The following KHDRBS3 variants were observed in gnomAD, a reference collection of about 807,000 sequenced individuals.
KHDRBS3 encodes the protein KH domain-containing, RNA-binding, signal transduction-associated protein 3.
A neutral mutation model predicts 45.6 loss-of-function variants in KHDRBS3; 23 were observed. That is an observed-to-expected ratio of 0.50 (90% CI 0.36 to 0.72). The LOEUF (loss-of-function observed/expected upper bound fraction) is 0.72. KHDRBS3 is among the 30% of genes least tolerant of loss of function. The pLI, the probability that KHDRBS3 is intolerant of heterozygous loss-of-function variation, is 0.00. For synonymous variants in KHDRBS3, 162 were observed against 156.5 expected, an observed-to-expected ratio of 1.04 and a Z score of -0.26; for missense variants, 352 against 424.8, an observed-to-expected ratio of 0.83 and a Z score of 1.51.
intron 1 of KHDRBS3, among the ~76,000 whole-genome samples, chr8:135,493,082 AT>A (rs1351862984): frequency 4.3e-4 from 63 of 145,184 alleles, no homozygotes; most frequent in Admixed American, 4.1e-4. Context: ...TGTTACTGGA[AT>A]TTTTTTTTTT....
chr8:135,655,485 C>T (rs1264092065), intron 4 of KHDRBS3, among the ~76,000 whole-genome samples: 2 of 152,106 alleles, frequency 1.3e-5, no homozygotes, highest in East Asian at 1.9e-4. Flanking sequence ...CATGAAATGG[C>T]GTCATGTGTT....
intron 1 of KHDRBS3, among the ~76,000 whole-genome samples, chr8:135,485,842 T>TTTTATATATA (rs908619744): frequency 1.2e-4 from 15 of 120,346 alleles, no homozygotes; most frequent in African/African-American, 5.6e-4. Context: ...CATTTCAAGT[T>TTTTATATATA]TATATATATA....
intron 7 of KHDRBS3, among the ~76,000 whole-genome samples, chr8:135,626,464 T>C (rs1275021273): frequency 1.3e-5 from 2 of 152,186 alleles, no homozygotes; most frequent in Non-Finnish European, 2.9e-5. Context: ...TGGCCATTGC[T>C]GAAGCTTCCT....
intron 7 of KHDRBS3, among the ~76,000 whole-genome samples, chr8:135,615,048 C>T (rs141869248): frequency 6.6e-6 from 1 of 151,892 alleles, no homozygotes. Context: ...CCAGAATGGT[C>T]AGACATCCCC....
chr8:135,463,394 A>G (rs185588705), intron 1 of KHDRBS3, among the ~76,000 whole-genome samples: 2 of 152,306 alleles, frequency 1.3e-5, no homozygotes, highest in African/African-American at 4.8e-5. Context: ...GCCCATATCA[A>G]TGAAAGAAGG....
chr8:135,533,803 T>C (rs1383664763), intron 2 of KHDRBS3, among the ~76,000 whole-genome samples: 1 of 152,204 alleles, frequency 6.6e-6, no homozygotes, highest in Non-Finnish European at 1.5e-5. Context: ...CCTAAGCTAC[T>C]GAACATCAAA....
At position 135,634,968 on chromosome 8, in the gene KHDRBS3, C is replaced by T. The variant is rs1231837445; in HGVS notation, c.891-10091C>T. The stretch of plus-strand genomic sequence containing the variant: ...ATGGTTCTGAAAGTTTTTGATCTCA[C>T]AATCCCTGTATACTTCATACTCTTA... On this transcript the variant is annotated intron_variant, in intron 7 of 8. Coordinates refer to ENST00000355849, the MANE Select transcript of KHDRBS3 (RefSeq NM_006558.3). Among the ~76,000 whole-genome samples, 3 of 152,218 alleles carry T rather than the reference C, an allele frequency of 2.0e-5. No individual in the cohort carries two copies. The East Asian group carries it at 5.8e-4, about 29-fold the overall frequency.
chr8:135,605,629 A>G (rs908077208), intron 6 of KHDRBS3, among the ~76,000 whole-genome samples: 1 of 152,188 alleles, frequency 6.6e-6, no homozygotes, highest in East Asian at 1.9e-4. Flanking sequence ...ATCAAGTTTC[A>G]TAATCAGCCC....
At chr8:135,640,447 T>C (rs143045563) in intron 7 of KHDRBS3, among the ~76,000 whole-genome samples, 11 of 152,198 alleles carry the variant, frequency 7.2e-5, no homozygotes, top group African/African-American at 2.4e-4. Flanking sequence ...TTGACCTCTG[T>C]AGATGTAGGG....
At position 135,582,041 on chromosome 8, in the gene KHDRBS3, C is replaced by T; in HGVS notation, c.775C>T (p.Pro259Ser). 6.3e-7 allele frequency: 1 copy of T among 1,587,822 alleles called. No homozygotes were observed. The highest frequency in any genetic ancestry group is 1.1e-5 in the South Asian group (1 of 87,302). The change falls in exon 6 of 9, where the codon CCA becomes TCA. Residue 259 changes from proline to serine, a missense_variant. Transcript: ENST00000355849. ...VPPTGYRPPP[P>S]PPTQETYGEY... ...CCCAACTGGGTACAGACCTCCACCG[C>T]CACCCCCGACACAAGAGACTTATGG...
chr8:135,485,130 A>G (rs900350895), intron 1 of KHDRBS3, among the ~76,000 whole-genome samples: 1 of 152,188 alleles, frequency 6.6e-6, no homozygotes, highest in Non-Finnish European at 1.5e-5. Flanking sequence ...CTCCTTTGCC[A>G]TCTGACACAT....
Position 135,525,740 on chromosome 8 carries a change from C to T in KHDRBS3, c.207+4385C>T, listed in dbSNP as rs144697558. 8.5e-5 allele frequency among the ~76,000 whole-genome samples: 13 copies of T among 152,246 alleles called. No individual in the cohort carries two copies. The East Asian group carries it at 2.5e-3, about 29-fold the overall frequency. ...TGGTGGAAACCTTTGTATATTGATT[C>T]TTTGTGCTCAATATGCTCTGTATAC... On this transcript the variant is annotated intron_variant, in intron 2 of 8. Transcript: ENST00000355849.
In KHDRBS3 at chr8:135,548,762, G is replaced by A. The variant is rs1329867738; in HGVS notation, c.333G>A (p.Glu111=). The change falls in exon 4 of 9, where the codon GAG becomes GAA. Residue 111 remains glutamate (E), a synonymous_variant. Transcript: ENST00000355849. Reference sequence around the variant, plus strand: ...TTTTTTCCTTTTTCCAGGAAGAAGAGTTGAGGAAAAGTGGAGAAGCGAAGT... The same window carrying A: ...TTTTTTCCTTTTTCCAGGAAGAAGAATTGAGGAAAAGTGGAGAAGCGAAGT... The part of the protein sequence containing the change: ...GSMRDKAKEE[E]LRKSGEAKYF... 1 of 1,538,974 alleles carries A rather than the reference G, an allele frequency of 6.5e-7. No individual in the cohort carries two copies. The highest frequency in any genetic ancestry group is 8.7e-7 in the Non-Finnish European group (1 of 1,144,498).
chr8:135,559,395 C>G (rs938742512), intron 5 of KHDRBS3, among the ~76,000 whole-genome samples: 1 of 152,132 alleles, frequency 6.6e-6, no homozygotes, highest in East Asian at 1.9e-4. Flanking sequence ...CCCTGTCACC[C>G]GGGCTGGAGT....
intron 1 of KHDRBS3, among the ~76,000 whole-genome samples, chr8:135,476,804 A>C (rs1336460931): frequency 6.6e-6 from 1 of 152,216 alleles, no homozygotes; most frequent in Non-Finnish European, 1.5e-5. Context: ...AAATATATAA[A>C]AATATAGAGT....
At chr8:135,547,334 G>C (rs1248976571) in intron 3 of KHDRBS3, among the ~76,000 whole-genome samples, 1 of 152,136 alleles carries the variant, frequency 6.6e-6, no homozygotes, top group Non-Finnish European at 1.5e-5. Flanking sequence ...GTTAGGCAGT[G>C]TACTAGGTAG....
intron 4 of KHDRBS3, among the ~76,000 whole-genome samples, chr8:135,654,664 C>T (rs542110105): frequency 1.3e-5 from 2 of 152,300 alleles, no homozygotes; most frequent in East Asian, 3.9e-4. Flanking sequence ...CTTCCTCAGA[C>T]TCCTGCTGGT....
At chr8:135,510,603 T>C (rs1162483079) in intron 1 of KHDRBS3, among the ~76,000 whole-genome samples, 1 of 152,112 alleles carries the variant, frequency 6.6e-6, no homozygotes, top group Non-Finnish European at 1.5e-5. Context: ...CCCGGCTAAT[T>C]TTTATATTTT....
intron 6 of KHDRBS3, among the ~76,000 whole-genome samples, chr8:135,600,819 C>T (rs1283222948): frequency 1.3e-5 from 2 of 152,192 alleles, no homozygotes; most frequent in East Asian, 3.9e-4. Flanking sequence ...CCAACACAGC[C>T]TCTCGAGTAG....
Sources: allele counts gnomAD v4.1 joint callset (sites outside exome capture counted in the v4.1 genomes callset), GRCh38; gene constraint gnomAD v4.1.1; transcripts MANE v1.5; gene names NCBI Gene and HGNC (gene_info 2026-07-23, HGNC 2026-07-21).